The following DAP3 variants were observed in gnomAD, a reference collection of about 807,000 sequenced individuals.
DAP3 encodes the protein death associated protein 3, also known as small ribosomal subunit protein mS29.
Under a neutral mutation model 51.9 loss-of-function variants are expected in DAP3, and 28 were observed. The observed-to-expected ratio is 0.54, with a 90% CI of 0.40 to 0.74. DAP3 has a LOEUF of 0.74. Ranked by LOEUF, DAP3 falls within the 30% of genes least tolerant of loss-of-function variation. The pLI, the probability that DAP3 is intolerant of heterozygous loss-of-function variation, is 0.00. For synonymous variants in DAP3, 170 were observed against 170.3 expected, an observed-to-expected ratio of 1.00 and a Z score of 0.01; for missense variants, 458 against 483.5, an observed-to-expected ratio of 0.95 and a Z score of 0.49.
intron 2 of DAP3, among the ~76,000 whole-genome samples, chr1:155,714,042 A>G (rs1657038401): frequency 6.6e-6 from 1 of 152,178 alleles, no homozygotes; most frequent in Non-Finnish European, 1.5e-5. Context: ...AATGGGAAAG[A>G]TTTAAATGGG....
chr1:155,726,113 CT>C (rs377658512), intron 6 of DAP3, 94 bp downstream of exon 6: 99,533 of 666,332 alleles, frequency 0.15, no homozygotes, highest in South Asian at 0.19. Flanking sequence ...CTTTTCTTTT[CT>C]TTTTTTTTTT....
chr1:155,699,445 T>C (rs1654916570), intron 1 of DAP3, among the ~76,000 whole-genome samples: 2 of 152,180 alleles, frequency 1.3e-5, no homozygotes, highest in East Asian at 1.9e-4. Flanking sequence ...CAGAGTCCTC[T>C]TGTGGCTTTC....
chr1:155,694,780 C>A (rs1013390653), intron 1 of DAP3, among the ~76,000 whole-genome samples: 2 of 152,202 alleles, frequency 1.3e-5, no homozygotes, highest in Non-Finnish European at 2.9e-5. Flanking sequence ...TTATATCTCT[C>A]TTTTTCCCAG....
intron 1 of DAP3, among the ~76,000 whole-genome samples, chr1:155,708,645 C>T (rs1656301496): frequency 6.7e-6 from 1 of 149,420 alleles, no homozygotes; most frequent in Non-Finnish European, 1.5e-5. Context: ...AGCAATCCTC[C>T]TGCCTTAGCC....
intron 1 of DAP3, among the ~76,000 whole-genome samples, chr1:155,699,654 C>G (rs935505501): frequency 6.6e-6 from 1 of 152,098 alleles, no homozygotes; most frequent in Non-Finnish European, 1.5e-5. Context: ...TACTCTGTTA[C>G]CTGGGCTGGA....
upstream of DAP3, chr1:155,688,584 G>T: frequency 6.5e-7 from 1 of 1,536,654 alleles, no homozygotes; most frequent in Non-Finnish European, 8.7e-7. Flanking sequence ...CTCACCCACG[G>T]GAACCTCCTC....
intron 11 of DAP3, among the ~76,000 whole-genome samples, chr1:155,735,126 A>G (rs1362033625): frequency 6.6e-6 from 1 of 150,812 alleles, no homozygotes; most frequent in African/African-American, 2.4e-5. Flanking sequence ...AAAAAAAAGA[A>G]AAAAAAATTA....
At chr1:155,731,729 G>A (rs1659258757) in intron 10 of DAP3, among the ~76,000 whole-genome samples, 1 of 152,100 alleles carries the variant, frequency 6.6e-6, no homozygotes, top group African/African-American at 2.4e-5. Context: ...AAGAGTTTGA[G>A]ACCCACAAAT....
chr1:155,689,619 A>C (rs1009020498), intron 1 of DAP3: 4 of 361,300 alleles, frequency 1.1e-5, no homozygotes, highest in African/African-American at 8.6e-5. Context: ...TGGTGTGTGA[A>C]ATAATAAGAT....
intron 1 of DAP3, among the ~76,000 whole-genome samples, chr1:155,704,363 A>G (rs1404851758): frequency 6.6e-6 from 1 of 152,172 alleles, no homozygotes; most frequent in African/African-American, 2.4e-5. Flanking sequence ...AGGCACGCCT[A>G]TGGAAAGAAG....
intron 3 of DAP3, among the ~76,000 whole-genome samples, chr1:155,721,049 A>C (rs1657939012): frequency 6.6e-6 from 1 of 151,444 alleles, no homozygotes; most frequent in Non-Finnish European, 1.5e-5. Flanking sequence ...AAAAAAAAGA[A>C]GACAAGGCTG....
intron 1 of DAP3, among the ~76,000 whole-genome samples, chr1:155,694,849 G>A (rs898801601): frequency 1.3e-5 from 2 of 152,054 alleles, no homozygotes; most frequent in Non-Finnish European, 2.9e-5. Context: ...TTTACCTTCT[G>A]TCCTGTTAAA....
chr1:155,732,205 G>T, intron 11 of DAP3, 172 bp downstream of exon 11: 4 of 468,844 alleles, frequency 8.5e-6, no homozygotes, highest in Non-Finnish European at 1.1e-5. Context: ...TGCTTTATCC[G>T]TCTCCGTCTT....
intron 9 of DAP3, among the ~76,000 whole-genome samples, chr1:155,730,190 ATAT>A (rs1457222019): frequency 6.8e-5 from 10 of 147,870 alleles, no homozygotes; most frequent in East Asian, 3.9e-4. Flanking sequence ...TGTATATATA[ATAT>A]TCATATATGT....
chr1:155,717,350 C>A (rs916833579), intron 3 of DAP3, among the ~76,000 whole-genome samples: 3 of 152,188 alleles, frequency 2.0e-5, no homozygotes, highest in Non-Finnish European at 4.4e-5. Flanking sequence ...CCCATGTAAT[C>A]TCTACTAGTG....
intron 2 of DAP3, among the ~76,000 whole-genome samples, chr1:155,714,735 A>T (rs998988849): frequency 6.6e-6 from 1 of 152,202 alleles, no homozygotes; most frequent in African/African-American, 2.4e-5. Flanking sequence ...AGCCTGGGCG[A>T]CAAGAGTGAG....
chr1:155,721,164 C>T (rs763876045), intron 3 of DAP3, among the ~76,000 whole-genome samples: 3 of 151,594 alleles, frequency 2.0e-5, no homozygotes, highest in Admixed American at 6.6e-5. Flanking sequence ...GGTGAAACCC[C>T]GTCTCTACTA....
intron 7 of DAP3, 152 bp from the exon 8 acceptor site, chr1:155,728,890 A>G (rs1180362866): frequency 3.1e-6 from 2 of 640,426 alleles, no homozygotes; most frequent in Non-Finnish European, 5.2e-6. Context: ...AAAAGAAAGC[A>G]TTCACTTCTA....
intron 3 of DAP3, among the ~76,000 whole-genome samples, chr1:155,719,157 C>G (rs185733457): frequency 6.6e-6 from 1 of 151,928 alleles, no homozygotes; most frequent in Non-Finnish European, 1.5e-5. Context: ...TTTGGGAGGC[C>G]TAGGTGGGAG....
Sources: gnomAD v4.1 joint callset for allele counts (sites outside exome capture counted in the v4.1 genomes callset) on GRCh38, gnomAD v4.1.1 for gene constraint, MANE v1.5 for transcripts, NCBI Gene and HGNC (gene_info 2026-07-23, HGNC 2026-07-21) for gene names.